ST6GALNAC3: variants seen among roughly 807,000 people sequenced by gnomAD.
ST6GALNAC3 encodes alpha-N-acetylgalactosaminide alpha-2,6-sialyltransferase 3.
A neutral mutation model predicts 32.7 loss-of-function variants in ST6GALNAC3; 25 were observed. That is an observed-to-expected ratio of 0.76 (90% CI 0.56 to 1.07). The LOEUF is 1.07. Ranked by LOEUF, ST6GALNAC3 falls within the 50% of genes least tolerant of loss-of-function variation. The pLI, the probability that ST6GALNAC3 is intolerant of heterozygous loss-of-function variation, is 0.00. For missense variants in ST6GALNAC3, 355 were observed against 382.4 expected, an observed-to-expected ratio of 0.93 and a Z score of 0.60; for synonymous variants, 129 against 133.1, an observed-to-expected ratio of 0.97 and a Z score of 0.21.
intron 1 of ST6GALNAC3, among the ~76,000 whole-genome samples, chr1:76,198,435 A>G (rs1378865772): frequency 6.6e-6 from 1 of 152,220 alleles, no homozygotes; most frequent in Non-Finnish European, 1.5e-5. Flanking sequence ...TTATAGTAAC[A>G]GTATGGAAAA....
chr1:76,506,186 A>G (rs1033815658), intron 3 of ST6GALNAC3, among the ~76,000 whole-genome samples: 3 of 152,152 alleles, frequency 2.0e-5, no homozygotes, highest in Non-Finnish European at 4.4e-5. Context: ...GCAAATTTGT[A>G]TTAGCTGATG....
chr1:76,145,850 A>T (rs911756135), intron 1 of ST6GALNAC3, among the ~76,000 whole-genome samples: 2 of 152,212 alleles, frequency 1.3e-5, no homozygotes. Flanking sequence ...AAAGAAATTT[A>T]TGTGTTTTTC....
At chr1:76,586,530 G>A (rs1026625683) in intron 3 of ST6GALNAC3, among the ~76,000 whole-genome samples, 2 of 152,134 alleles carry the variant, frequency 1.3e-5, no homozygotes, top group Non-Finnish European at 2.9e-5. Flanking sequence ...ACTCATTCTG[G>A]TAATAAATGA....
intron 1 of ST6GALNAC3, among the ~76,000 whole-genome samples, chr1:76,115,182 T>C (rs1648375724): frequency 6.6e-6 from 1 of 152,200 alleles, no homozygotes; most frequent in South Asian, 2.1e-4. Context: ...CCTTGTTAGA[T>C]ATATTACATT....
chr1:76,262,911 G>T (rs151216465), intron 1 of ST6GALNAC3, among the ~76,000 whole-genome samples: 1 of 152,106 alleles, frequency 6.6e-6, no homozygotes, highest in Admixed American at 6.5e-5. Context: ...CCTGGATGAA[G>T]AAGCACTTCC....
chr1:76,510,476 G>C (rs1252801161), intron 3 of ST6GALNAC3, among the ~76,000 whole-genome samples: 5 of 152,134 alleles, frequency 3.3e-5, no homozygotes, highest in Non-Finnish European at 7.4e-5. Context: ...ATAGAGTGAG[G>C]TATGGAACCA....
chr1:76,250,112 C>CTTTA (rs1001834064), intron 1 of ST6GALNAC3, among the ~76,000 whole-genome samples: 5 of 152,184 alleles, frequency 3.3e-5, no homozygotes, highest in Non-Finnish European at 5.9e-5. Context: ...ATGAAGCCCA[C>CTTTA]TTTATTTATT....
intron 1 of ST6GALNAC3, among the ~76,000 whole-genome samples, chr1:76,182,336 G>T (rs935508141): frequency 6.6e-6 from 1 of 152,120 alleles, no homozygotes; most frequent in Non-Finnish European, 1.5e-5. Context: ...CCATTTTTGT[G>T]GATAAGTCTA....
chr1:76,229,525 G>T (rs1656249056), intron 1 of ST6GALNAC3, among the ~76,000 whole-genome samples: 1 of 152,142 alleles, frequency 6.6e-6, no homozygotes, highest in Admixed American at 6.5e-5. Flanking sequence ...TGACAGTGTG[G>T]CTGACTCCCT....
chr1:76,504,347 AG>A (rs1661347359), intron 3 of ST6GALNAC3, among the ~76,000 whole-genome samples: 1 of 152,120 alleles, frequency 6.6e-6, no homozygotes, highest in African/African-American at 2.4e-5. Context: ...ACCCTAATCC[AG>A]GGTTATATCA....
chr1:76,236,090 C>T (rs779733993), intron 1 of ST6GALNAC3, among the ~76,000 whole-genome samples: 1 of 151,920 alleles, frequency 6.6e-6, no homozygotes, highest in Non-Finnish European at 1.5e-5. Flanking sequence ...ACTCTCTTGC[C>T]TCAGCCACCA....
intron 1 of ST6GALNAC3, among the ~76,000 whole-genome samples, chr1:76,244,964 G>C (rs1252913162): frequency 6.6e-6 from 1 of 152,138 alleles, no homozygotes; most frequent in Non-Finnish European, 1.5e-5. Context: ...TATTAGGGAG[G>C]AGTCCCTCTT....
At chr1:76,108,861 A>AGTGT (rs10528375) in intron 1 of ST6GALNAC3, among the ~76,000 whole-genome samples, 178 of 149,872 alleles carry the variant, frequency 1.2e-3, no homozygotes, top group African/African-American at 4.2e-3. Context: ...CTGTAGACAT[A>AGTGT]GTGTGTGTGT....
intron 3 of ST6GALNAC3, among the ~76,000 whole-genome samples, chr1:76,422,853 C>T (rs147349219): frequency 0.01 from 1,530 of 152,082 alleles, 18 homozygotes; most frequent in Middle Eastern, 0.017. Context: ...ATATTTTTCA[C>T]GGCGAGGAGT....
intron 2 of ST6GALNAC3, among the ~76,000 whole-genome samples, chr1:76,344,719 T>C (rs1648351107): frequency 6.6e-6 from 1 of 152,208 alleles, no homozygotes; most frequent in Non-Finnish European, 1.5e-5. Context: ...GTTGTTAGAT[T>C]TGAATGAGAA....
At chr1:76,471,650 C>A (rs1659038412) in intron 3 of ST6GALNAC3, among the ~76,000 whole-genome samples, 1 of 152,062 alleles carries the variant, frequency 6.6e-6, no homozygotes, top group Admixed American at 6.6e-5. Flanking sequence ...AGTATGGTGA[C>A]ATATATGTGT....
chr1:76,442,399 T>C (rs574556838), intron 3 of ST6GALNAC3, among the ~76,000 whole-genome samples: 1 of 152,170 alleles, frequency 6.6e-6, no homozygotes, highest in Non-Finnish European at 1.5e-5. Flanking sequence ...CAAACATAAA[T>C]GATTTTCTGA....
chr1:76,423,651 T>C (rs1655178355), intron 3 of ST6GALNAC3, among the ~76,000 whole-genome samples: 1 of 152,010 alleles, frequency 6.6e-6, no homozygotes, highest in South Asian at 2.1e-4. Context: ...TTTTTCTTTA[T>C]AATCTTCACT....
chr1:76,269,175 C>G (rs1252414670), intron 1 of ST6GALNAC3, among the ~76,000 whole-genome samples: 1 of 152,166 alleles, frequency 6.6e-6, no homozygotes. Context: ...GGGTCATGAC[C>G]CTACTCACGG....
Sources: allele counts gnomAD v4.1 joint callset (sites outside exome capture counted in the v4.1 genomes callset), GRCh38; gene constraint gnomAD v4.1.1; transcripts MANE v1.5; gene names NCBI Gene and HGNC (gene_info 2026-07-23, HGNC 2026-07-21).